KIT: variants seen among roughly 807,000 people sequenced by gnomAD.
KIT encodes the protein KIT proto-oncogene, receptor tyrosine kinase, also known as mast/stem cell growth factor receptor Kit.
KIT carries 16 observed loss-of-function variants against 105.7 expected under a neutral mutation model. The observed-to-expected ratio is 0.15, with a 90% CI of 0.10 to 0.23. The LOEUF is 0.23. Among genes scored for constraint, KIT ranks in the 10% least tolerant of loss-of-function variants. KIT has a pLI of 1.00. For synonymous variants in KIT, 438 were observed against 441.1 expected, an observed-to-expected ratio of 0.99 and a Z score of 0.09; for missense variants, 858 against 1,213.8, an observed-to-expected ratio of 0.71 and a Z score of 4.36.
Position 54,725,972 on chromosome 4 carries a change from A to G in KIT, c.1462A>G (p.Thr488Ala), listed in dbSNP as rs748451770. 6.2e-7 allele frequency: 1 copy of G among 1,614,132 alleles called. No homozygotes were observed. ...IDSSAFKHNG[T>A]VECKAYNDVG... ...TTCTAGTGCATTCAAGCACAATGGC[A>G]CGGTTGAATGTAAGGCTTACAACGA... Residue 488 changes from threonine to alanine, a missense_variant, in exon 9 of 21, where the codon ACG becomes GCG. Thr to Ala is a moderately conservative substitution (Grantham distance 58). This residue lies in a region of KIT where 401 missense variants were observed against 601.0 expected (regional missense o/e 0.67). Transcript: ENST00000288135.
intron 1 of KIT, among the ~76,000 whole-genome samples, chr4:54,669,220 C>G (rs1179159139): frequency 2.6e-5 from 4 of 152,010 alleles, no homozygotes; most frequent in African/African-American, 7.2e-5. Flanking sequence ...GACCCCCCCC[C>G]CTTGCTTTTT....
intron 1 of KIT, among the ~76,000 whole-genome samples, chr4:54,684,816 C>A (rs1344056601): frequency 1.3e-5 from 2 of 152,180 alleles, no homozygotes; most frequent in African/African-American, 4.8e-5. Flanking sequence ...CTACTGTGGG[C>A]AAAGCTCTGG....
intron 17 of KIT, chr4:54,733,473 G>T (rs1560422490): frequency 2.9e-5 from 10 of 350,382 alleles, no homozygotes; most frequent in Non-Finnish European, 5.4e-6. Context: ...GAATAGCAAT[G>T]AACTTGATTT....
chr4:54,685,631 C>T (rs1719256705), intron 1 of KIT, among the ~76,000 whole-genome samples: 1 of 152,184 alleles, frequency 6.6e-6, no homozygotes, highest in South Asian at 2.1e-4. Flanking sequence ...CTGCAGCTCA[C>T]CCCCTTACCA....
chr4:54,690,610 T>G (rs1719644069), intron 1 of KIT, among the ~76,000 whole-genome samples: 2 of 152,214 alleles, frequency 1.3e-5, no homozygotes, highest in African/African-American at 4.8e-5. Context: ...AATATTAGCC[T>G]TAGCCAAACA....
At chr4:54,690,098 A>G (rs1251757231) in intron 1 of KIT, among the ~76,000 whole-genome samples, 1 of 149,236 alleles carries the variant, frequency 6.7e-6, no homozygotes, top group Non-Finnish European at 1.5e-5. Context: ...GTATGTATAT[A>G]CCACATTTTA....
chr4:54,669,813 A>C (rs938959046), intron 1 of KIT, among the ~76,000 whole-genome samples: 8 of 152,196 alleles, frequency 5.3e-5, no homozygotes, highest in African/African-American at 1.9e-4. Flanking sequence ...GAAAGAGAAA[A>C]GAAAGGTGAT....
intron 1 of KIT, among the ~76,000 whole-genome samples, chr4:54,692,099 C>T (rs1184456437): frequency 6.6e-6 from 1 of 152,114 alleles, no homozygotes; most frequent in Middle Eastern, 3.2e-3. Context: ...AAAATAAGTA[C>T]TGTTAGTATC....
chr4:54,733,025 T>C (rs1351090988), intron 16 of KIT, 45 bp from the exon 17 acceptor site: 25 of 1,574,836 alleles, frequency 1.6e-5, no homozygotes, highest in Non-Finnish European at 2.2e-5. Flanking sequence ...TCTTTACAAG[T>C]TAAAATGAAT....
At chr4:54,716,827 T>C (rs559793355) in intron 7 of KIT, among the ~76,000 whole-genome samples, 1 of 152,326 alleles carries the variant, frequency 6.6e-6, no homozygotes, top group South Asian at 2.1e-4. Context: ...TTATCATCTG[T>C]TGTTATCTTT....
chr4:54,692,197 TCTAGACAGTCCTAACTCAAGAGCCAGG>T (rs1334345025), intron 1 of KIT, among the ~76,000 whole-genome samples: 1 of 152,176 alleles, frequency 6.6e-6, no homozygotes, highest in Non-Finnish European at 1.5e-5. Flanking sequence ...AAGATGCAAG[TCTAGACAGTCCTAACTCAAGAGCCAGG>T]CTCTCACTTG....
intron 1 of KIT, among the ~76,000 whole-genome samples, chr4:54,672,305 A>G (rs1560377080): frequency 7.7e-6 from 1 of 130,166 alleles, no homozygotes; most frequent in East Asian, 2.1e-4. Flanking sequence ...ACTCAGTTTG[A>G]TTTTTTTTTT....
At chr4:54,673,096 A>G (rs1718225615) in intron 1 of KIT, among the ~76,000 whole-genome samples, 2 of 152,316 alleles carry the variant, frequency 1.3e-5, no homozygotes, top group South Asian at 4.1e-4. Context: ...TATTCTTTAA[A>G]GCCCACTAGT....
At position 54,740,229 on chromosome 4, in the gene KIT, G is replaced by A. The variant is rs541644297; in HGVS notation, c.*1672G>A. The A allele has an allele frequency of 8.6e-6, 2 of 233,490 alleles. No homozygotes were observed. The highest frequency in any genetic ancestry group is 6.0e-5 in the East Asian group (1 of 16,546). 14.5% of individuals were successfully genotyped at this position (233,490 alleles called of 1,614,324 possible). A position where few individuals can be genotyped will look rare whatever the true frequency, so the allele number is the denominator to read the frequency against. On this transcript the variant is annotated 3_prime_UTR_variant, in exon 21 of 21. Coordinates refer to ENST00000288135, the MANE Select transcript of KIT (RefSeq NM_000222.3). ...ATTTGCACTGGAGTTCTATGCTCTC[G>A]CACCTTTCCAAAGTTAACAGATTTT... is the stretch of plus-strand genomic sequence containing the variant.
chr4:54,715,770 G>A (rs1253817996), intron 7 of KIT, among the ~76,000 whole-genome samples: 2 of 152,102 alleles, frequency 1.3e-5, no homozygotes, highest in Non-Finnish European at 2.9e-5. Flanking sequence ...TCATAGACCC[G>A]TGAAAGCCAG....
chr4:54,693,113 C>G (rs999688425), intron 1 of KIT, among the ~76,000 whole-genome samples: 21 of 152,196 alleles, frequency 1.4e-4, no homozygotes, highest in African/African-American at 4.3e-4. Flanking sequence ...CTTGTACTGC[C>G]AGAACTACCC....
chr4:54,662,745 GTACTTT>G (rs1717375615), intron 1 of KIT, among the ~76,000 whole-genome samples: 1 of 152,032 alleles, frequency 6.6e-6, no homozygotes, highest in Admixed American at 6.6e-5. Context: ...GCTAATTTTT[GTACTTT>G]TAGTAGAGAT....
chr4:54,672,130 T>A (rs1718154763), intron 1 of KIT, among the ~76,000 whole-genome samples: 2 of 152,352 alleles, frequency 1.3e-5, no homozygotes, highest in South Asian at 4.1e-4. Flanking sequence ...TTGTAATTGG[T>A]TGATATGTCC....
intron 2 of KIT, 83 bp from the exon 3 acceptor site, chr4:54,698,201 G>A (rs924460963): frequency 3.6e-6 from 5 of 1,407,672 alleles, no homozygotes; most frequent in East Asian, 2.4e-5. Flanking sequence ...GTCATGAAAG[G>A]CAACATATTA....
Sources: gnomAD v4.1 joint callset for allele counts (sites outside exome capture counted in the v4.1 genomes callset) on GRCh38, gnomAD v4.1.1 for gene constraint, gnomAD v4.1.1 regional missense constraint, MANE v1.5 for transcripts, NCBI Gene and HGNC (gene_info 2026-07-23, HGNC 2026-07-21) for gene names.